ALLC: variants seen among roughly 807,000 people sequenced by gnomAD.
ALLC encodes probable inactive allantoicase.
A neutral mutation model predicts 45.0 loss-of-function variants in ALLC; 40 were observed. The ratio of observed to expected loss-of-function variants is 0.89; its 90% CI spans 0.69 to 1.16. The LOEUF (loss-of-function observed/expected upper bound fraction) is 1.16, where lower values mean the gene tolerates loss of function less well. Ranked by LOEUF, ALLC falls within the 50% of genes most tolerant of loss-of-function variation. The pLI is 0.00. For synonymous variants in ALLC, 176 were observed against 178.1 expected, an observed-to-expected ratio of 0.99 and a Z score of 0.09; for missense variants, 488 against 493.1, an observed-to-expected ratio of 0.99 and a Z score of 0.10.
chr2:3,651,340 T>G, the ALLC span, among the ~76,000 whole-genome samples: 4 of 886 alleles, frequency 4.5e-3, no homozygotes, highest in African/African-American at 0.02. Flanking sequence ...TGTGTGTGTG[T>G]GTGTGTGTGT....
intron 10 of ALLC, among the ~76,000 whole-genome samples, chr2:3,701,287 G>A (rs887933468): frequency 6.6e-6 from 1 of 152,162 alleles, no homozygotes; most frequent in Non-Finnish European, 1.5e-5. Context: ...ATGGCGGACT[G>A]CTTCTGAGTC....
intron 1 of ALLC, among the ~76,000 whole-genome samples, chr2:3,666,470 C>T (rs2147994422): frequency 6.6e-6 from 1 of 152,390 alleles, no homozygotes; most frequent in East Asian, 1.9e-4. Context: ...GTGAGACCCA[C>T]AGGCCACAGC....
the ALLC span, among the ~76,000 whole-genome samples, chr2:3,651,318 G>T: frequency 1.5e-3 from 52 of 35,646 alleles, 7 homozygotes; most frequent in African/African-American, 3.5e-3. Flanking sequence ...GTGGGTGGGG[G>T]GGGTGTGTGT....
chr2:3,702,165 CCTG>C lies in ALLC; in HGVS notation c.976-195_976-193del, dbSNP rs760150861. On this transcript the variant is annotated intron_variant, in intron 11 of 11. Coordinates refer to ENST00000252505, the MANE Select transcript of ALLC (RefSeq NM_018436.4). ...GTTGCCCATCAATTGTTTATTGGGG[CCTG>C]CTTATTCATGTATTATTTGGGCATC... 6.6e-5 allele frequency among the ~76,000 whole-genome samples: 10 copies of C among 152,110 alleles called. No homozygotes were observed. In the East Asian group the frequency reaches 1.3e-3, roughly 21 times the overall value.
upstream of ALLC, among the ~76,000 whole-genome samples, chr2:3,654,026 T>G (rs1666389418): frequency 6.6e-6 from 1 of 152,230 alleles, no homozygotes; most frequent in Non-Finnish European, 1.5e-5. Context: ...CTCAAGAGAT[T>G]GCACTCAAGA....
At chr2:3,701,727 TCTG>T in intron 11 of ALLC, 91 bp downstream of exon 11, 1 of 1,415,216 alleles carries the variant, frequency 7.1e-7, no homozygotes, top group Non-Finnish European at 9.4e-7. Context: ...CTCCAAAGTT[TCTG>T]CTCAGTTTAA....
upstream of ALLC, among the ~76,000 whole-genome samples, chr2:3,656,412 C>T (rs774093463): frequency 7.9e-5 from 12 of 152,242 alleles, no homozygotes; most frequent in Non-Finnish European, 1.2e-4. Context: ...TGCTGTGCCA[C>T]GATGGAAAGT....
chr2:3,676,099 C>G (rs1035960417), intron 3 of ALLC, among the ~76,000 whole-genome samples: 1 of 152,260 alleles, frequency 6.6e-6, no homozygotes, highest in South Asian at 2.1e-4. Flanking sequence ...CGAATACCAT[C>G]ACTCTGGGGA....
At chr2:3,645,902 G>A in the ALLC span, among the ~76,000 whole-genome samples, 1 of 152,194 alleles carries the variant, frequency 6.6e-6, no homozygotes, top group Non-Finnish European at 1.5e-5. This position sits in a 1 kb window ranked among gnomAD's most constrained non-coding sequence, Gnocchi z 4.3. Flanking sequence ...GGCTCCCAGG[G>A]GTGGGTGTAT....
rs75115822 is a variant in ALLC at position 3,687,816 on chromosome 2, G to C, written c.511+4742G>C. Among the ~76,000 whole-genome samples the C allele has an allele frequency of 2.6e-5, 4 of 150,946 alleles. No homozygotes were observed. The East Asian group carries it at 7.9e-4, about 30-fold the overall frequency. On this transcript the variant is annotated intron_variant, in intron 7 of 11. Transcript: ENST00000252505. Reference sequence around the variant, plus strand: ...GTACAGTGGACTTTATTGATGGTATGTGACAGGATGTGGCTCCCTAGGCCC... The same window carrying C: ...GTACAGTGGACTTTATTGATGGTATCTGACAGGATGTGGCTCCCTAGGCCC...
chr2:3,651,364 T>G, the ALLC span, among the ~76,000 whole-genome samples: 1 of 6,084 alleles, frequency 1.6e-4, no homozygotes, highest in South Asian at 8.6e-3. Flanking sequence ...TGTGTGTGTG[T>G]GTGTGTGTGT....
Position 3,696,239 on chromosome 2 carries a change from A to G in ALLC, c.668-36A>G, listed in dbSNP as rs772426496. The G allele has an allele frequency of 5.8e-6, 9 of 1,556,774 alleles. No individual in the cohort carries two copies. In the East Asian group the frequency reaches 2.0e-4, roughly 35 times the overall value. On this transcript the variant is annotated intron_variant, in intron 8 of 11. Transcript: ENST00000252505. ...TGTATTCATCCTCATAGTTAAAATC[A>G]TGCAGTTTACCATTCAACAATGTTA...
intron 7 of ALLC, among the ~76,000 whole-genome samples, chr2:3,693,290 C>A (rs1434397763): frequency 6.6e-6 from 1 of 152,162 alleles, no homozygotes; most frequent in African/African-American, 2.4e-5. Flanking sequence ...TTCTCTGGAA[C>A]CTTATTTTAG....
At chr2:3,663,597 A>G (rs1666627335) in intron 1 of ALLC, among the ~76,000 whole-genome samples, 2 of 150,896 alleles carry the variant, frequency 1.3e-5, no homozygotes, top group African/African-American at 2.5e-5. Flanking sequence ...AAAAAAAAAG[A>G]CTCTATGTCA....
At position 3,680,106 on chromosome 2, in the gene ALLC, G is replaced by T. The variant is rs556604940; in HGVS notation, c.298+112G>T. The T allele has an allele frequency of 6.9e-7, 1 of 1,448,386 alleles. No individual in the cohort carries two copies. The highest frequency in any genetic ancestry group is 9.5e-7 in the Non-Finnish European group (1 of 1,052,962). The allele number at this position is 1,448,386 out of a possible 1,614,324, so 89.7% of individuals were successfully genotyped here. A position where few individuals can be genotyped will look rare whatever the true frequency, so the allele number is the denominator to read the frequency against. On this transcript the variant is annotated intron_variant, in intron 5 of 11. Coordinates refer to ENST00000252505, the MANE Select transcript of ALLC (RefSeq NM_018436.4). The surrounding 1 kb of genome is among the most constrained non-coding windows in gnomAD (Gnocchi z 4.0). Reference sequence around the variant, plus strand: ...CCCTACCACCCAGACAGCTTCAGGCGCTTGACTAAGGCTACTTTACTGTAA... The same window carrying T: ...CCCTACCACCCAGACAGCTTCAGGCTCTTGACTAAGGCTACTTTACTGTAA...
At chr2:3,665,400 C>T (rs1666680129) in intron 1 of ALLC, among the ~76,000 whole-genome samples, 1 of 152,122 alleles carries the variant, frequency 6.6e-6, no homozygotes, top group Non-Finnish European at 1.5e-5. Context: ...GTTTGCGGCA[C>T]AGATCAACCC....
chr2:3,659,704 G>T (rs565937725), intron 1 of ALLC, among the ~76,000 whole-genome samples: 1 of 152,212 alleles, frequency 6.6e-6, no homozygotes, highest in Admixed American at 6.5e-5. Context: ...AGCTCATGGC[G>T]CAAGAGTCGT....
chr2:3,651,443 T>TGTGTGAGTG, the ALLC span, among the ~76,000 whole-genome samples: 1 of 16,808 alleles, frequency 5.9e-5, no homozygotes, highest in African/African-American at 1.6e-4. Context: ...GTGTGTGTGT[T>TGTGTGAGTG]AGGAAGGGAG....
chr2:3,688,873 C>G (rs993373675), intron 7 of ALLC: 2 of 173,232 alleles, frequency 1.2e-5, no homozygotes, highest in African/African-American at 4.7e-5. Context: ...TAGTTGAGGT[C>G]AATGAAGGCA....
Sources: gnomAD v4.1 joint callset for allele counts (sites outside exome capture counted in the v4.1 genomes callset) on GRCh38, gnomAD v4.1.1 for gene constraint, Gnocchi (gnomAD v3.1) non-coding constraint, MANE v1.5 for transcripts, NCBI Gene and HGNC (gene_info 2026-07-23, HGNC 2026-07-21) for gene names.